STAG2: variants seen among roughly 807,000 people sequenced by gnomAD.
The protein encoded by STAG2 is STAG2 cohesin complex component.
STAG2 carries 14 observed loss-of-function variants against 108.1 expected under a neutral mutation model. The ratio of observed to expected loss-of-function variants is 0.13; its 90% CI spans 0.09 to 0.20. STAG2 has a LOEUF of 0.20. STAG2 is among the 10% of genes least tolerant of loss of function. The pLI is 1.00. For missense variants in STAG2, 440 were observed against 940.9 expected (o/e 0.47, Z 6.96); for synonymous variants, 307 against 302.7 (o/e 1.01, Z -0.15).
At chrX:124,019,625 T>G (rs539785871) in intron 1 of STAG2, among the ~76,000 whole-genome samples, 3 of 111,049 alleles carry the variant, frequency 2.7e-5, no homozygotes, top group African/African-American at 9.8e-5. Flanking sequence ...TGACACAACT[T>G]TTTTTTTCTT....
chrX:124,081,359 G>A (rs1326699181), intron 27 of STAG2, 21 bp from the exon 28 acceptor site: 1 of 1,091,546 alleles, frequency 9.2e-7, no homozygotes, highest in African/African-American at 1.9e-5. Context: ...ACTTTAACAT[G>A]CTTTCTTTCT....
chrX:124,086,506 G>A (rs2148463803), intron 29 of STAG2, 41 bp from the exon 30 acceptor site: 1 of 1,087,640 alleles, frequency 9.2e-7, no homozygotes, highest in Non-Finnish European at 1.3e-6. Flanking sequence ...ATAACCCACA[G>A]ATTTCTGTAT....
intron 1 of STAG2, among the ~76,000 whole-genome samples, chrX:123,986,110 C>T (rs1305258580): frequency 1.9e-5 from 2 of 103,760 alleles, no homozygotes; most frequent in Admixed American, 2.2e-4. Flanking sequence ...TGTATATATG[C>T]ATGTATCTAT....
chrX:124,022,210 A>C (rs2147998490), intron 2 of STAG2, among the ~76,000 whole-genome samples: 1 of 110,040 alleles, frequency 9.1e-6, no homozygotes, highest in Non-Finnish European at 1.9e-5. Context: ...ATCTCTACTA[A>C]AAATACAAAA....
At chrX:123,969,272 A>G (rs1487682854) in intron 1 of STAG2, among the ~76,000 whole-genome samples, 1 of 111,204 alleles carries the variant, frequency 9.0e-6, no homozygotes, top group Non-Finnish European at 1.9e-5. Context: ...GTGATACATG[A>G]AATGGTTTCA....
At chrX:124,089,018 C>G (rs1029344787) in intron 30 of STAG2, among the ~76,000 whole-genome samples, 4 of 104,678 alleles carry the variant, frequency 3.8e-5, no homozygotes, top group Non-Finnish European at 5.8e-5. Context: ...CAGGTTGAAG[C>G]AATTCTCTTG....
At chrX:124,026,436 AGTGG>A in intron 4 of STAG2, 1 of 143,418 alleles carries the variant, frequency 7.0e-6, no homozygotes, top group Non-Finnish European at 1.6e-5. Flanking sequence ...TTAAAGTGTG[AGTGG>A]GTTAGCCTGA....
chrX:124,073,427 T>A (rs2058724515), intron 25 of STAG2, among the ~76,000 whole-genome samples: 1 of 110,828 alleles, frequency 9.0e-6, no homozygotes, highest in Admixed American at 9.6e-5. Context: ...TGTATGTGTG[T>A]GTTTGTGTGT....
At position 124,063,687 on chromosome X, in the gene STAG2, G is replaced by C. The variant is rs192374004; in HGVS notation, c.1822-161G>C. On this transcript the variant is annotated intron_variant, in intron 19 of 34. Coordinates refer to ENST00000371145, the MANE Select transcript of STAG2 (RefSeq NM_001042750.2). Reference sequence around the variant, plus strand: ...TTGAGGAAAAAGTATGGATGGATCAGTGTATTTATTTATCATGATTAGAAA... The same window carrying C: ...TTGAGGAAAAAGTATGGATGGATCACTGTATTTATTTATCATGATTAGAAA... Among the ~76,000 whole-genome samples, 7 of 111,758 alleles carry C rather than the reference G, an allele frequency of 6.3e-5. No individual in the cohort carries two copies. The East Asian group carries it at 2.0e-3, about 31-fold the overall frequency.
intron 1 of STAG2, among the ~76,000 whole-genome samples, chrX:123,972,673 T>G (rs1352204631): frequency 9.2e-6 from 1 of 108,989 alleles, no homozygotes; most frequent in Non-Finnish European, 1.9e-5. Context: ...TTGTGGCCTG[T>G]GTAGTGACTA....
At chrX:124,004,996 G>A (rs1408388701) in intron 1 of STAG2, among the ~76,000 whole-genome samples, 3 of 111,433 alleles carry the variant, frequency 2.7e-5, no homozygotes, top group African/African-American at 9.8e-5. Context: ...CAAAATCCAT[G>A]GATGCTTAAG....
At chrX:123,983,180 G>A (rs2054972280) in intron 1 of STAG2, among the ~76,000 whole-genome samples, 1 of 111,048 alleles carries the variant, frequency 9.0e-6, no homozygotes, top group African/African-American at 3.3e-5. Context: ...TTTAACCTGA[G>A]AGGGCCTTAT....
intron 1 of STAG2, among the ~76,000 whole-genome samples, chrX:124,010,541 A>G (rs1430965051): frequency 1.8e-5 from 2 of 110,906 alleles, no homozygotes; most frequent in Non-Finnish European, 3.8e-5. Context: ...CCACTGGTCT[A>G]TTTGTCTTTA....
At chrX:124,065,784 T>C (rs1299547264) in intron 20 of STAG2, 92 bp from the exon 21 acceptor site, 14 of 614,677 alleles carry the variant, frequency 2.3e-5, no homozygotes, top group Non-Finnish European at 2.8e-5. Context: ...GGTTTTGTTA[T>C]GTTATTTTTC....
chrX:124,086,739 G>A lies in STAG2; in HGVS notation c.3246G>A (p.Arg1082=), dbSNP rs780570823. Residue 1082 remains arginine (R), a synonymous_variant, in exon 30 of 35, where the codon CGG becomes CGA. Transcript: ENST00000371145. The part of the protein sequence containing the change: ...SKKSKPSTGK[R]KVVEGMQLSL... ...AATCAAAACCATCTACAGGAAAACG[G>A]AAAGTGGTTGAGGGCATGCAGCTTT... is the stretch of plus-strand genomic sequence containing the variant. The A allele has an allele frequency of 2.5e-6, 3 of 1,207,327 alleles. No individual in the cohort carries two copies. The highest frequency in any genetic ancestry group is 2.2e-5 in the Admixed American group (1 of 45,901).
Position 124,027,162 on chromosome X carries a change from C to T in STAG2, c.123+1244C>T, listed in dbSNP as rs189699241. ...TGTACTACTGGGCTCAAGCAGTCCT[C>T]CTGCCTCAGCCTCCCAAAGTGCTGG... On this transcript the variant is annotated intron_variant, in intron 4 of 34. Transcript: ENST00000371145. Among the ~76,000 whole-genome samples, 12 of 112,287 alleles carry T rather than the reference C, an allele frequency of 1.1e-4. No homozygotes were observed. In the East Asian group the frequency reaches 3.1e-3, roughly 29 times the overall value.
Position 123,984,000 on chromosome X carries a change from C to T in STAG2, c.-163+22144C>T, listed in dbSNP as rs1433177010. ...TTTTTTTTTTTTTTTTTTTTTGAGACGGGGTTTCGCTCTTGTTGCCCAGGC... is the reference window on the plus strand; with the variant it reads ...TTTTTTTTTTTTTTTTTTTTTGAGATGGGGTTTCGCTCTTGTTGCCCAGGC... On this transcript the variant is annotated intron_variant, in intron 1 of 34. Coordinates refer to ENST00000371145, the MANE Select transcript of STAG2 (RefSeq NM_001042750.2). 5.0e-3 allele frequency among the ~76,000 whole-genome samples: 218 copies of T among 43,511 alleles called. 1 individual carries two copies. Among genetic ancestry groups the T allele is most frequent in the African/African-American group, 0.027 (179 of 6,628 alleles). The allele number at this position is 43,511 out of a possible 115,157, so 37.8% of individuals were successfully genotyped here.
At chrX:124,045,638 G>A (rs1032762762) in intron 8 of STAG2, among the ~76,000 whole-genome samples, 1 of 110,950 alleles carries the variant, frequency 9.0e-6, no homozygotes, top group Admixed American at 9.7e-5. Flanking sequence ...TGGACAATAG[G>A]TATGTGTTGG....
intron 1 of STAG2, among the ~76,000 whole-genome samples, chrX:123,969,885 G>A (rs915818645): frequency 9.5e-5 from 10 of 105,426 alleles, no homozygotes; most frequent in African/African-American, 3.5e-4. Context: ...GACCTCAGGT[G>A]ATTCACCCAT....
Sources: gnomAD v4.1 joint callset for allele counts (sites outside exome capture counted in the v4.1 genomes callset) on GRCh38, gnomAD v4.1.1 for gene constraint, MANE v1.5 for transcripts, NCBI Gene and HGNC (gene_info 2026-07-23, HGNC 2026-07-21) for gene names.